CSMD1: variants seen among roughly 807,000 people sequenced by gnomAD.
CSMD1 encodes the protein CUB and sushi domain-containing protein 1.
A neutral mutation model predicts 417.5 loss-of-function variants in CSMD1; 213 were observed. That is an observed-to-expected ratio of 0.51 (90% CI 0.46 to 0.57). The LOEUF is 0.57. CSMD1 is among the 20% of genes least tolerant of loss of function. CSMD1 has a pLI of 0.00. For synonymous variants in CSMD1, 2,862 were observed against 1,736.8 expected, an observed-to-expected ratio of 1.65 and a Z score of -16.11; for missense variants, 6,923 against 4,529.7, an observed-to-expected ratio of 1.53 and a Z score of -15.17.
chr8:4,228,466 C>T (rs1305388845), intron 3 of CSMD1, among the ~76,000 whole-genome samples: 3 of 152,128 alleles, frequency 2.0e-5, no homozygotes, highest in Admixed American at 2.0e-4. Context: ...AGCAGCACCA[C>T]ACAGCTTCCA....
intron 3 of CSMD1, among the ~76,000 whole-genome samples, chr8:4,128,406 G>C (rs1004283740): frequency 2.0e-5 from 3 of 152,138 alleles, no homozygotes; most frequent in African/African-American, 7.2e-5. Context: ...TAAAACATCT[G>C]TGATGACTCT....
At chr8:4,129,118 T>C (rs981974171) in intron 3 of CSMD1, among the ~76,000 whole-genome samples, 4 of 151,964 alleles carry the variant, frequency 2.6e-5, no homozygotes, top group Admixed American at 6.6e-5. Context: ...AGAATTTTTA[T>C]TGTTGTTGTT....
chr8:2,979,916 A>G (rs1213949806), intron 54 of CSMD1, among the ~76,000 whole-genome samples: 3 of 152,338 alleles, frequency 2.0e-5, no homozygotes, highest in African/African-American at 4.8e-5. Context: ...TATCTGCAAT[A>G]CAATTGTAAC....
At chr8:4,808,807 A>G (rs1463730671) in intron 1 of CSMD1, among the ~76,000 whole-genome samples, 3 of 152,250 alleles carry the variant, frequency 2.0e-5, no homozygotes, top group South Asian at 2.1e-4. Context: ...GCCAACAGGC[A>G]TGTAATAAAG....
Position 3,190,109 on chromosome 8 carries a change from G to C in CSMD1, c.5201C>G (p.Pro1734Arg), listed in dbSNP as rs775350701. ...GCTGCATTGGGTGTCACTGGTACGA[G>C]GAACAGCTAGAAGCAAAGTACAGAA... ...RGFHFVYQAV[P>R]RTSDTQCSSV... is the part of the protein sequence containing the mutation. Residue 1734 changes from proline to arginine, a missense_variant, in exon 34 of 70, where the codon CCT (proline) becomes CGT (arginine). Pro to Arg is a moderately radical substitution (Grantham distance 103). Coordinates refer to ENST00000635120, the MANE Select transcript of CSMD1 (RefSeq NM_033225.6). 2.5e-5 allele frequency: 39 copies of C among 1,584,770 alleles called. No individual in the cohort carries two copies. The highest frequency in any genetic ancestry group is 4.0e-5 in the African/African-American group (3 of 74,448).
intron 6 of CSMD1, among the ~76,000 whole-genome samples, chr8:3,745,298 T>A (rs1797013141): frequency 6.6e-6 from 1 of 152,166 alleles, no homozygotes; most frequent in African/African-American, 2.4e-5. Flanking sequence ...GGAAAGAACA[T>A]GATGGTCAGC....
intron 41 of CSMD1, among the ~76,000 whole-genome samples, chr8:3,131,918 G>A (rs1817814238): frequency 1.3e-5 from 2 of 152,056 alleles, no homozygotes. Context: ...TATCCTCAAG[G>A]CCCCAGAACT....
chr8:2,992,387 G>A (rs573862458), intron 54 of CSMD1, among the ~76,000 whole-genome samples: 1 of 152,138 alleles, frequency 6.6e-6, no homozygotes, highest in African/African-American at 2.4e-5. Context: ...GCACACTTTA[G>A]AACGGTTAAC....
At chr8:3,625,071 G>T (rs1796430027) in intron 7 of CSMD1, among the ~76,000 whole-genome samples, 2 of 150,470 alleles carry the variant, frequency 1.3e-5, no homozygotes, top group South Asian at 2.1e-4. Context: ...ATGCATAACA[G>T]TTTTTTTTTT....
intron 10 of CSMD1, among the ~76,000 whole-genome samples, chr8:3,561,619 G>A (rs76656133): frequency 2.0e-5 from 3 of 152,136 alleles, no homozygotes; most frequent in Non-Finnish European, 2.9e-5. Context: ...TGGTCACTCC[G>A]AAAGTGAGGA....
intron 3 of CSMD1, among the ~76,000 whole-genome samples, chr8:4,220,332 T>A (rs771145793): frequency 6.6e-6 from 1 of 152,048 alleles, no homozygotes; most frequent in Non-Finnish European, 1.5e-5. Flanking sequence ...GAGAAGGAGG[T>A]TAGCATGTAC....
chr8:4,737,128 T>C (rs1355022641), intron 1 of CSMD1, among the ~76,000 whole-genome samples: 1 of 151,610 alleles, frequency 6.6e-6, no homozygotes, highest in East Asian at 1.9e-4. Flanking sequence ...ATGTGGTACA[T>C]CCATACCATG....
chr8:3,590,453 C>T (rs1460183346), intron 8 of CSMD1, among the ~76,000 whole-genome samples: 1 of 152,126 alleles, frequency 6.6e-6, no homozygotes, highest in East Asian at 1.9e-4. Context: ...GGAAAGTTTT[C>T]AAAGACTAGT....
intron 41 of CSMD1, among the ~76,000 whole-genome samples, chr8:3,133,854 C>T (rs970498643): frequency 1.1e-4 from 16 of 152,162 alleles, no homozygotes; most frequent in Non-Finnish European, 1.8e-4. Flanking sequence ...CCTTAAAGGC[C>T]GGTCGAATTC....
chr8:3,964,967 G>A (rs879573229), intron 5 of CSMD1, among the ~76,000 whole-genome samples: 2 of 152,070 alleles, frequency 1.3e-5, no homozygotes, highest in Non-Finnish European at 2.9e-5. Context: ...GTAATTCTTG[G>A]AGAGTCACAG....
At position 3,925,679 on chromosome 8, in the gene CSMD1, T is replaced by TTA. The variant is rs1192586690; in HGVS notation, c.818+72223_818+72224insTA. On this transcript the variant is annotated intron_variant, in intron 5 of 69. Transcript: ENST00000635120. Reference sequence around the variant, plus strand: ...TTTCCACTTTTGCCTCCTCCTCATTTTTCTCTTGCCACCACCACGTAAGAA... The same window carrying TTA: ...TTTCCACTTTTGCCTCCTCCTCATTTTATTCTCTTGCCACCACCACGTAAGAA... 1.7e-4 allele frequency among the ~76,000 whole-genome samples: 26 copies of TTA among 152,120 alleles called. No homozygotes were observed. The East Asian group carries it at 3.9e-3, about 23-fold the overall frequency.
intron 26 of CSMD1, among the ~76,000 whole-genome samples, chr8:3,242,515 AG>A (rs1482066418): frequency 1.3e-5 from 2 of 152,150 alleles, no homozygotes; most frequent in African/African-American, 2.4e-5. Context: ...TAGATCTTGC[AG>A]GGTGGAAAAA....
chr8:3,091,478 A>G, intron 48 of CSMD1, 38 bp downstream of exon 48: 1 of 1,504,830 alleles, frequency 6.6e-7, no homozygotes, highest in Non-Finnish European at 9.0e-7. Flanking sequence ...ACCTGTTTTA[A>G]AATACTTTCA....
intron 4 of CSMD1, among the ~76,000 whole-genome samples, chr8:4,011,193 G>A (rs115853516): frequency 0.014 from 2,112 of 152,120 alleles, 52 homozygotes; most frequent in African/African-American, 0.049. Flanking sequence ...CTACCTAGTG[G>A]GTACACCTGT....
Sources: allele counts gnomAD v4.1 joint callset (sites outside exome capture counted in the v4.1 genomes callset), GRCh38; gene constraint gnomAD v4.1.1; transcripts MANE v1.5; gene names NCBI Gene and HGNC (gene_info 2026-07-23, HGNC 2026-07-21).